SPTBN1: variants seen among roughly 807,000 people sequenced by gnomAD.
SPTBN1 encodes spectrin beta, non-erythrocytic 1, also known as spectrin beta chain, non-erythrocytic 1.
In SPTBN1, 32 loss-of-function variants were observed where a neutral mutation model predicts 266.4. The observed-to-expected ratio is 0.12, with a 90% CI of 0.09 to 0.16. SPTBN1 has a LOEUF of 0.16. Among genes scored for constraint, SPTBN1 ranks in the 10% least tolerant of loss-of-function variants. The probability of loss-of-function intolerance (pLI) is 1.00; values close to 1 mark genes in which losing one functional copy is unlikely to be tolerated. For missense variants in SPTBN1, 2,296 were observed against 3,067.1 expected, an observed-to-expected ratio of 0.75 and a Z score of 5.94; for synonymous variants, 1,336 against 1,162.2, an observed-to-expected ratio of 1.15 and a Z score of -3.04.
Position 54,631,503 on chromosome 2 carries a change from C to G in SPTBN1, c.3456C>G (p.Asn1152Lys), listed in dbSNP as rs534610237. Residue 1152 changes from asparagine (N) to lysine (K), a missense_variant, in exon 16 of 36, where the codon AAC (asparagine) becomes AAG (lysine). Asn to Lys is a moderately conservative substitution (Grantham distance 94). Around this residue, in one of 12 missense-constraint regions of SPTBN1, gnomAD observed 386 missense variants for 486.1 expected, o/e 0.79. Transcript: ENST00000356805. Reference sequence around the variant, plus strand: ...TGCAGGCCCTGGACACTGGATGGAACGAGCTCCACAAGATGTGGGAGAACA... The same window carrying G: ...TGCAGGCCCTGGACACTGGATGGAAGGAGCTCCACAAGATGTGGGAGAACA... ...QRLQALDTGWNELHKMWENRQ... is the reference protein window; with the variant it reads ...QRLQALDTGWKELHKMWENRQ... 6.2e-7 allele frequency: 1 copy of G among 1,614,100 alleles called. No individual in the cohort carries two copies. The highest frequency in any genetic ancestry group is 8.5e-7 in the Non-Finnish European group (1 of 1,180,048).
At chr2:54,499,000 C>A (rs1344974794) in intron 1 of SPTBN1, among the ~76,000 whole-genome samples, 1 of 151,994 alleles carries the variant, frequency 6.6e-6, no homozygotes, top group African/African-American at 2.4e-5. Context: ...TGCTCCTAGT[C>A]AGCTGGCTGG....
Position 54,670,315 on chromosome 2 carries a change from T to G in SPTBN1, c.*1746T>G, listed in dbSNP as rs1681645807. On this transcript the variant is annotated 3_prime_UTR_variant, in exon 36 of 36. Transcript: ENST00000356805. ...TTACAAGTGACATACTTTTCCTGGGTTATCTGGGTATGTTGACTCCATGCC... is the reference window on the plus strand; with the variant it reads ...TTACAAGTGACATACTTTTCCTGGGGTATCTGGGTATGTTGACTCCATGCC... 6.0e-6 allele frequency: 1 copy of G among 166,256 alleles called. No individual in the cohort carries two copies. The allele number at this position is 166,256 out of a possible 1,614,324, so 10.3% of individuals were successfully genotyped here.
At chr2:54,656,944 T>G (rs998884755) in intron 29 of SPTBN1, among the ~76,000 whole-genome samples, 1 of 152,190 alleles carries the variant, frequency 6.6e-6, no homozygotes, top group Non-Finnish European at 1.5e-5. Flanking sequence ...AAGTCCCTAG[T>G]GCAGAGGTGG....
chr2:54,457,601 C>T (rs1693126187), intron 1 of SPTBN1, among the ~76,000 whole-genome samples: 1 of 152,138 alleles, frequency 6.6e-6, no homozygotes. Context: ...GCTCACGGTG[C>T]CCTCGCCGTG....
chr2:54,557,638 C>CTCCAGG, intron 2 of SPTBN1: 1 of 848,440 alleles, frequency 1.2e-6, no homozygotes, highest in Non-Finnish European at 1.4e-6. Flanking sequence ...TCATAAACAA[C>CTCCAGG]TCCAGGTCAG....
intron 2 of SPTBN1, among the ~76,000 whole-genome samples, chr2:54,543,653 T>C (rs1672067295): frequency 6.6e-6 from 1 of 152,218 alleles, no homozygotes; most frequent in Admixed American, 6.5e-5. Flanking sequence ...CTCACTGTAC[T>C]TTCCTGTTTC....
Position 54,631,090 on chromosome 2 carries a change from C to T in SPTBN1, c.3043C>T (p.Leu1015=). ...GGCCATTGAGGCAAAGCTGAGTGACCTGCAGAAGGAGGCGGAGAAGCTGGA... is the reference window on the plus strand; with the variant it reads ...GGCCATTGAGGCAAAGCTGAGTGACTTGCAGAAGGAGGCGGAGAAGCTGGA... The part of the protein sequence containing the change: ...LVAIEAKLSD[L]QKEAEKLESE... Residue 1015 remains leucine (L), a synonymous_variant, in exon 16 of 36, where the codon CTG becomes TTG. Coordinates refer to ENST00000356805, the MANE Select transcript of SPTBN1 (RefSeq NM_003128.3). The T allele has an allele frequency of 6.2e-7, 1 of 1,614,134 alleles. No individual in the cohort carries two copies. The highest frequency in any genetic ancestry group is 8.5e-7 in the Non-Finnish European group (1 of 1,180,008).
chr2:54,560,950 C>T (rs1033768705), intron 2 of SPTBN1, among the ~76,000 whole-genome samples: 7 of 152,280 alleles, frequency 4.6e-5, no homozygotes, highest in African/African-American at 1.7e-4. Context: ...CTTTAATTCC[C>T]ATCCCTGGTT....
intron 1 of SPTBN1, among the ~76,000 whole-genome samples, chr2:54,468,802 A>G (rs760686028): frequency 6.6e-5 from 10 of 152,222 alleles, no homozygotes; most frequent in Non-Finnish European, 8.8e-5. Flanking sequence ...AGTTGCATTA[A>G]TTCCCCTGAG....
intron 1 of SPTBN1, among the ~76,000 whole-genome samples, chr2:54,507,001 C>T (rs4233953): frequency 0.65 from 98,013 of 151,062 alleles, 32,652 homozygotes; most frequent in African/African-American, 0.81. Context: ...TTAGTTCTTA[C>T]AGGTTTTGGA....
In SPTBN1 at chr2:54,628,119, A is replaced by G. The variant is rs765858276; in HGVS notation, c.1667A>G (p.Tyr556Cys). Residue 556 changes from tyrosine (Y) to cysteine (C), a missense_variant, in exon 13 of 36, where the codon TAT (tyrosine) becomes TGT (cysteine). Around this residue, in one of 12 missense-constraint regions of SPTBN1, gnomAD observed 434 missense variants for 573.9 expected, o/e 0.76. Coordinates refer to ENST00000356805, the MANE Select transcript of SPTBN1 (RefSeq NM_003128.3). This position sits in a 1 kb window ranked among gnomAD's most constrained non-coding sequence, Gnocchi z 4.3. ...EMKVLVLSQD[Y>C]GKHLLGVEDL... The stretch of plus-strand genomic sequence containing the variant: ...CAGGTGCTAGTATTGTCTCAAGACT[A>G]TGGCAAACACTTACTTGGTGTGGAA... 6.2e-7 allele frequency: 1 copy of G among 1,613,586 alleles called. No homozygotes were observed. Among genetic ancestry groups the G allele is most frequent in the East Asian group, 2.2e-5 (1 of 44,842 alleles).
chr2:54,533,885 C>G lies in SPTBN1; in HGVS notation c.148+7319C>G, dbSNP rs1280371681. 7.9e-6 allele frequency among the ~76,000 whole-genome samples: 1 copy of G among 127,224 alleles called. No individual in the cohort carries two copies. Among genetic ancestry groups the G allele is most frequent in the Non-Finnish European group, 1.6e-5 (1 of 60,808 alleles). The allele number at this position is 127,224 out of a possible 152,430, so 83.5% of individuals were successfully genotyped here. A position where few individuals can be genotyped will look rare whatever the true frequency, so the allele number is the denominator to read the frequency against. ...AATTTAGGGGGAAAGATTGATCTCT[C>G]TCTCTGTCTCTCTCTCACACACACA... On this transcript the variant is annotated intron_variant, in intron 2 of 35. Coordinates refer to ENST00000356805, the MANE Select transcript of SPTBN1 (RefSeq NM_003128.3). This position sits in a 1 kb window ranked among gnomAD's most constrained non-coding sequence, Gnocchi z 4.2.
At chr2:54,459,584 T>C (rs907766956) in intron 1 of SPTBN1, among the ~76,000 whole-genome samples, 2 of 146,632 alleles carry the variant, frequency 1.4e-5, no homozygotes, top group South Asian at 2.2e-4. Flanking sequence ...CATATTCTTA[T>C]AGAACATTTT....
chr2:54,476,685 C>G (rs1448401980), intron 1 of SPTBN1, among the ~76,000 whole-genome samples: 1 of 152,150 alleles, frequency 6.6e-6, no homozygotes, highest in Admixed American at 6.5e-5. Context: ...CCTAATTTGT[C>G]TAACTTGTTC....
At chr2:54,578,180 G>T (rs908284976) in intron 2 of SPTBN1, among the ~76,000 whole-genome samples, 1 of 152,172 alleles carries the variant, frequency 6.6e-6, no homozygotes, top group Non-Finnish European at 1.5e-5. Context: ...TAGAATCTTG[G>T]ATTTAAAAGT....
intron 2 of SPTBN1, among the ~76,000 whole-genome samples, chr2:54,548,120 G>A (rs1284355641): frequency 1.3e-5 from 2 of 152,202 alleles, no homozygotes; most frequent in Non-Finnish European, 2.9e-5. Flanking sequence ...TCCAGCCAGG[G>A]CAACAGAGCG....
Position 54,666,018 on chromosome 2 carries a change from G to A in SPTBN1, c.6763G>A (p.Val2255Met). The A allele has an allele frequency of 6.2e-7, 1 of 1,614,126 alleles. No homozygotes were observed. Among genetic ancestry groups the A allele is most frequent in the South Asian group, 1.1e-5 (1 of 91,070 alleles). Reference sequence around the variant, plus strand: ...AATTCCCTACCACAGCGAGGTCCCTGTGAGTTTGAAAGAAGCTGTCTGCGA... The same window carrying A: ...AATTCCCTACCACAGCGAGGTCCCTATGAGTTTGAAAGAAGCTGTCTGCGA... Reference protein sequence around the residue: ...SGIPYHSEVPVSLKEAVCEVA... With the variant: ...SGIPYHSEVPMSLKEAVCEVA... The change falls in exon 34 of 36, where the codon GTG becomes ATG. Residue 2255 changes from valine to methionine, a missense_variant. Val to Met is a conservative substitution (Grantham distance 21). Around this residue, in one of 12 missense-constraint regions of SPTBN1, gnomAD observed 347 missense variants for 368.5 expected, o/e 0.94. Transcript: ENST00000356805.
At chr2:54,577,486 G>A (rs1422275178) in intron 2 of SPTBN1, among the ~76,000 whole-genome samples, 1 of 152,226 alleles carries the variant, frequency 6.6e-6, no homozygotes, top group Non-Finnish European at 1.5e-5. Flanking sequence ...CATGCAAAGA[G>A]AGAAGGAAAG....
At chr2:54,639,157 CACTT>C (rs1228992860) in intron 18 of SPTBN1, among the ~76,000 whole-genome samples, 3 of 152,226 alleles carry the variant, frequency 2.0e-5, no homozygotes, top group Non-Finnish European at 4.4e-5. Flanking sequence ...GTAGGATACT[CACTT>C]ACAGAGGCAT....
Sources: allele counts gnomAD v4.1 joint callset (sites outside exome capture counted in the v4.1 genomes callset), GRCh38; gene constraint gnomAD v4.1.1; regional missense constraint gnomAD v4.1.1; non-coding constraint Gnocchi (gnomAD v3.1); transcripts MANE v1.5; gene names NCBI Gene and HGNC (gene_info 2026-07-23, HGNC 2026-07-21).